Variants in UST observed in about 807,000 individuals in gnomAD.
UST encodes the protein chondroitin sulfate 2-O-sulfotransferase.
A neutral mutation model predicts 45.6 loss-of-function variants in UST; 21 were observed. The ratio of observed to expected loss-of-function variants is 0.46; its 90% CI spans 0.33 to 0.66. The LOEUF (loss-of-function observed/expected upper bound fraction) is 0.66, where lower values mean the gene tolerates loss of function less well. UST is among the 30% of genes least tolerant of loss of function. The pLI is 0.02. For missense variants in UST, 463 were observed against 512.4 expected (o/e 0.90, Z 0.93); for synonymous variants, 215 against 200.6 (o/e 1.07, Z -0.61).
At chr6:148,945,320 C>T (rs780240826) in intron 3 of UST, among the ~76,000 whole-genome samples, 1 of 152,156 alleles carries the variant, frequency 6.6e-6, no homozygotes, top group Non-Finnish European at 1.5e-5. Context: ...TGGCCTTGAA[C>T]CTAGGCCTTC....
chr6:148,832,384 AT>A (rs1001910501), intron 1 of UST, among the ~76,000 whole-genome samples: 100 of 152,206 alleles, frequency 6.6e-4, no homozygotes, highest in African/African-American at 2.2e-3. Context: ...GTGCATATTA[AT>A]TTTTTTTAAT....
At chr6:148,846,608 A>AT (rs79284905) in intron 1 of UST, among the ~76,000 whole-genome samples, 22 of 151,890 alleles carry the variant, frequency 1.4e-4, no homozygotes, top group South Asian at 2.1e-4. Context: ...AATAATAATA[A>AT]AAAATAAAAA....
intron 1 of UST, among the ~76,000 whole-genome samples, chr6:148,768,085 A>T (rs1176245803): frequency 6.6e-6 from 1 of 152,212 alleles, no homozygotes; most frequent in African/African-American, 2.4e-5. Flanking sequence ...AAACCGGCAC[A>T]TTGATATGGC....
Position 148,939,320 on chromosome 6 carries a change from C to CT in UST, c.292-1953dup, listed in dbSNP as rs1238719958. Among the ~76,000 whole-genome samples the CT allele has an allele frequency of 9.9e-5, 15 of 152,252 alleles. 1 individual carries two copies. In the South Asian group the frequency reaches 2.3e-3, roughly 23 times the overall value. ...GCAGTCCTTATCATAATCTCAACTA[C>CT]TTTTTTGGGCAGATATTAGCAAGCT... On this transcript the variant is annotated intron_variant, in intron 2 of 7. Transcript: ENST00000367463.
chr6:149,024,392 C>T (rs555754937), intron 7 of UST, among the ~76,000 whole-genome samples: 1 of 152,234 alleles, frequency 6.6e-6, no homozygotes, highest in Admixed American at 6.5e-5. Flanking sequence ...ATAAAATGAA[C>T]CTTTGAGTTG....
At chr6:149,010,666 G>A (rs1016335208) in intron 5 of UST, among the ~76,000 whole-genome samples, 5 of 151,762 alleles carry the variant, frequency 3.3e-5, no homozygotes, top group African/African-American at 9.7e-5. Context: ...AGGCTGAGGC[G>A]GGCAGATCAC....
At chr6:148,797,098 C>T (rs62426071) in intron 1 of UST, among the ~76,000 whole-genome samples, 15,204 of 152,026 alleles carry the variant, frequency 0.1, 1,049 homozygotes, top group Non-Finnish European at 0.15. Flanking sequence ...CAACCTTCTC[C>T]GATAATTCTT....
intron 1 of UST, among the ~76,000 whole-genome samples, chr6:148,865,144 C>T (rs906583764): frequency 6.6e-6 from 1 of 152,096 alleles, no homozygotes; most frequent in Non-Finnish European, 1.5e-5. Flanking sequence ...TACAGTACTT[C>T]GATGACTCCA....
chr6:148,877,720 G>C (rs1420799032), intron 1 of UST, among the ~76,000 whole-genome samples: 7 of 116,606 alleles, frequency 6.0e-5, no homozygotes, highest in Middle Eastern at 5.0e-3. Context: ...TGTATGAGTG[G>C]GGTGGTCGTG....
At chr6:149,026,007 G>C (rs375589441) in intron 7 of UST, among the ~76,000 whole-genome samples, 1 of 152,166 alleles carries the variant, frequency 6.6e-6, no homozygotes, top group African/African-American at 2.4e-5. Context: ...AATCAACTGG[G>C]CATGGTGGCA....
chr6:149,048,146 TATGAA>T (rs1461497573), intron 7 of UST, among the ~76,000 whole-genome samples: 1 of 141,636 alleles, frequency 7.1e-6, no homozygotes, highest in African/African-American at 2.5e-5. Flanking sequence ...TTAATGAAAA[TATGAA>T]AGGAATAGAG....
At chr6:148,789,211 C>T (rs945969329) in intron 1 of UST, among the ~76,000 whole-genome samples, 5 of 152,152 alleles carry the variant, frequency 3.3e-5, no homozygotes, top group African/African-American at 1.2e-4. Context: ...TATTTCTTCA[C>T]CTGAATTTTA....
Position 148,791,389 on chromosome 6 carries a change from T to A in UST, c.247+43712T>A, listed in dbSNP as rs141640019. Among the ~76,000 whole-genome samples, 960 of 152,346 alleles carry A rather than the reference T, an allele frequency of 6.3e-3. 4 individuals are homozygous for A. The highest frequency in any genetic ancestry group is 0.017 in the Middle Eastern group (5 of 294). On this transcript the variant is annotated intron_variant, in intron 1 of 7. Transcript: ENST00000367463. ...GATGTGGACTCTATGTTTTAGACAA[T>A]CTTCCGTATTAAAACTATCATGTGA...
At chr6:148,973,259 G>A (rs1780954700) in intron 5 of UST, among the ~76,000 whole-genome samples, 1 of 152,188 alleles carries the variant, frequency 6.6e-6, no homozygotes, top group Non-Finnish European at 1.5e-5. Context: ...AAACCAAGGT[G>A]TGCATTATAG....
intron 7 of UST, chr6:149,027,843 CTTTTT>C (rs35563578): frequency 1.5e-5 from 2 of 131,616 alleles, no homozygotes; most frequent in Non-Finnish European, 3.3e-5. Flanking sequence ...ATCCCCCCAT[CTTTTT>C]TTTTTTTTTT....
chr6:149,043,356 C>T (rs1468792902), intron 7 of UST, among the ~76,000 whole-genome samples: 3 of 152,126 alleles, frequency 2.0e-5, no homozygotes. Flanking sequence ...AGCATTCCAC[C>T]CACCTTGACC....
In UST at chr6:149,054,176, G is replaced by C. The variant is rs933646794; in HGVS notation, c.938-19657G>C. ...TTGTAAATGTTCAGAAAGGGAGGGG[G>C]GTGCGGTAGAATTAAATCTACCCAA... On this transcript the variant is annotated intron_variant, in intron 7 of 7. Coordinates refer to ENST00000367463, the MANE Select transcript of UST (RefSeq NM_005715.3). Among the ~76,000 whole-genome samples, 8 of 152,268 alleles carry C rather than the reference G, an allele frequency of 5.3e-5. No homozygotes were observed. The East Asian group carries it at 1.5e-3, about 29-fold the overall frequency.
intron 1 of UST, among the ~76,000 whole-genome samples, chr6:148,881,235 G>A (rs557706105): frequency 6.6e-6 from 1 of 152,242 alleles, no homozygotes; most frequent in East Asian, 1.9e-4. Flanking sequence ...TCTCTAAGAG[G>A]TTAAGCTCTA....
chr6:149,070,701 A>G (rs1023443412), intron 7 of UST, among the ~76,000 whole-genome samples: 2 of 151,260 alleles, frequency 1.3e-5, no homozygotes, highest in African/African-American at 4.9e-5. Flanking sequence ...AGAATGGGGT[A>G]TCCATCCCCT....
Sources: gnomAD v4.1 joint callset for allele counts (sites outside exome capture counted in the v4.1 genomes callset) on GRCh38, gnomAD v4.1.1 for gene constraint, MANE v1.5 for transcripts, NCBI Gene and HGNC (gene_info 2026-07-23, HGNC 2026-07-21) for gene names.